Variants in CFAP46 observed in about 807,000 individuals in gnomAD.
CFAP46 encodes cilia- and flagella-associated protein 46.
In CFAP46, 245 loss-of-function variants were observed where a neutral mutation model predicts 325.7. The observed-to-expected ratio is 0.75, with a 90% CI of 0.68 to 0.84. The LOEUF (loss-of-function observed/expected upper bound fraction) is 0.84. Among genes scored for constraint, CFAP46 ranks in the 40% least tolerant of loss-of-function variants. The pLI is 0.00. For synonymous variants in CFAP46, 1,523 were observed against 1,495.9 expected (o/e 1.02, Z -0.42); for missense variants, 3,346 against 3,543.0 (o/e 0.94, Z 1.41).
At chr10:132,859,736 C>T (rs1027380383) in intron 37 of CFAP46, among the ~76,000 whole-genome samples, 5 of 152,212 alleles carry the variant, frequency 3.3e-5, no homozygotes, top group Non-Finnish European at 5.9e-5. Context: ...TGAAGCAGAA[C>T]ACAAGGAAAG....
intron 50 of CFAP46, among the ~76,000 whole-genome samples, chr10:132,823,448 ATG>A (rs1297672871): frequency 4.4e-5 from 3 of 67,796 alleles, no homozygotes; most frequent in Non-Finnish European, 8.1e-5. Context: ...GTGTGTGCTG[ATG>A]TGTGTTGTGT....
chr10:132,838,877 T>C (rs1055856817), intron 44 of CFAP46, among the ~76,000 whole-genome samples: 2 of 152,224 alleles, frequency 1.3e-5, no homozygotes, highest in African/African-American at 4.8e-5. Context: ...CCCCGTCTCA[T>C]CCCCACTGGC....
intron 47 of CFAP46, 76 bp from the exon 48 acceptor site, chr10:132,834,851 C>A (rs1591042691): frequency 3.3e-6 from 5 of 1,515,900 alleles, no homozygotes; most frequent in East Asian, 4.6e-5. Context: ...CAGGCCCCTG[C>A]AGAAAGGCCG....
rs571203998 is a variant in CFAP46 at position 132,845,845 on chromosome 10, C to A, written c.6438+212G>T. On this transcript the variant is annotated intron_variant, in intron 44 of 57. Coordinates refer to ENST00000368586, the MANE Select transcript of CFAP46 (RefSeq NM_001200049.3). Reference sequence around the variant, plus strand: ...CTCGCCAACCTCACCGCACCCACCACGTGGGCCGTTACTACCCCCACAAGG... The same window carrying A: ...CTCGCCAACCTCACCGCACCCACCAAGTGGGCCGTTACTACCCCCACAAGG... Among the ~76,000 whole-genome samples, 5 of 152,278 alleles carry A rather than the reference C, an allele frequency of 3.3e-5. No individual in the cohort carries two copies. In the South Asian group the frequency reaches 1.0e-3, roughly 32 times the overall value.
intron 19 of CFAP46, among the ~76,000 whole-genome samples, chr10:132,911,241 G>A (rs977340364): frequency 2.0e-5 from 3 of 152,188 alleles, no homozygotes; most frequent in African/African-American, 7.2e-5. Context: ...GTTCCTGGCC[G>A]GCCCACACTG....
At chr10:132,871,695 G>A (rs1181479108) in intron 32 of CFAP46, among the ~76,000 whole-genome samples, 3 of 152,250 alleles carry the variant, frequency 2.0e-5, no homozygotes, top group Non-Finnish European at 4.4e-5. Context: ...AATGGATGCG[G>A]AATTGCCTCT....
rs746090756 is a variant in CFAP46, at chr10:132,851,180, C to A, written c.5700G>T (p.Gly1900=). The change falls in exon 40 of 58, where the codon GGG becomes GGT. Residue 1900 remains glycine (G), a synonymous_variant. Transcript: ENST00000368586. The stretch of plus-strand genomic sequence containing the variant: ...AGTCCGCCAGCAGCTTCTCCAGGGA[C>A]CCCTGCTCACTCTGCTGCCCGTGGG... ...EEAHGQQSEQ[G]SLEKLLADYL... 1.9e-6 allele frequency: 3 copies of A among 1,614,100 alleles called. No individual in the cohort carries two copies. The South Asian group carries it at 3.3e-5, about 18-fold the overall frequency.
In CFAP46 at chr10:132,942,122, T is replaced by C. The variant is rs1591105271; in HGVS notation, c.50-18A>G. 2 of 1,551,102 alleles carry C rather than the reference T, an allele frequency of 1.3e-6. No individual in the cohort carries two copies. Among genetic ancestry groups the C allele is most frequent in the Non-Finnish European group, 1.7e-6 (2 of 1,146,774 alleles). ...CGCAGCATCTGTCCCAAACGGGTGG[T>C]TGAGGAAGGTTTGGTCACTGGGCTG... On this transcript the variant is annotated intron_variant, in intron 1 of 57. Transcript: ENST00000368586.
At chr10:132,824,680 G>A (rs1333180049) in intron 50 of CFAP46, among the ~76,000 whole-genome samples, 3 of 104,368 alleles carry the variant, frequency 2.9e-5, no homozygotes, top group Admixed American at 1.0e-4. Context: ...GCTGTGTGCT[G>A]ATGTGTGCTG....
chr10:132,812,696 C>G (rs1027777958), intron 55 of CFAP46, 89 bp downstream of exon 55: 8 of 901,716 alleles, frequency 8.9e-6, no homozygotes, highest in Middle Eastern at 2.3e-4. Flanking sequence ...GTGGGGGCAG[C>G]ACCAGCAGGT....
rs1354247176 is a variant in CFAP46 at position 132,885,767 on chromosome 10, G to A, written c.3443+54C>T. Reference sequence around the variant, plus strand: ...GTGGGGAGCACTCACAGGCGGTGGGGGGAGCACTCAGGCGGTGGAGGGAGC... The same window carrying A: ...GTGGGGAGCACTCACAGGCGGTGGGAGGAGCACTCAGGCGGTGGAGGGAGC... On this transcript the variant is annotated intron_variant, in intron 26 of 57. Coordinates refer to ENST00000368586, the MANE Select transcript of CFAP46 (RefSeq NM_001200049.3). The A allele has an allele frequency of 7.1e-6, 10 of 1,403,642 alleles. No homozygotes were observed. The South Asian group carries it at 9.2e-5, about 13-fold the overall frequency. 86.9% of individuals were successfully genotyped at this position (1,403,642 alleles called of 1,614,324 possible).
At chr10:132,864,545 G>GT (rs1848780589) in intron 35 of CFAP46, among the ~76,000 whole-genome samples, 2 of 96,836 alleles carry the variant, frequency 2.1e-5, no homozygotes, top group African/African-American at 8.0e-5. Context: ...GCACACACCT[G>GT]CCCTCAGTGC....
At chr10:132,870,564 T>A (rs1490563434) in intron 32 of CFAP46, among the ~76,000 whole-genome samples, 1 of 152,164 alleles carries the variant, frequency 6.6e-6, no homozygotes, top group Admixed American at 6.5e-5. Context: ...TCAGTGCCGG[T>A]ATGAAAAAGT....
chr10:132,824,053 GTGTGTGCTGA>G (rs1339263071), intron 50 of CFAP46, among the ~76,000 whole-genome samples: 503 of 131,178 alleles, frequency 3.8e-3, no homozygotes, highest in African/African-American at 0.013. Flanking sequence ...GATGTGTGCT[GTGTGTGCTGA>G]TGTGTGCTGA....
In CFAP46 at chr10:132,916,619, C is replaced by A. The variant is rs1424233313; in HGVS notation, c.2050G>T (p.Asp684Tyr). 1.9e-6 allele frequency: 3 copies of A among 1,543,190 alleles called. No individual in the cohort carries two copies. Among genetic ancestry groups the A allele is most frequent in the Admixed American group, 2.0e-5 (1 of 49,898 alleles). The change falls in exon 17 of 58, where the codon GAC becomes TAC. Residue 684 changes from aspartate to tyrosine, a missense_variant. Physicochemically the swap from Asp to Tyr is radical, Grantham distance 160. Coordinates refer to ENST00000368586, the MANE Select transcript of CFAP46 (RefSeq NM_001200049.3). ...ELNDRAIPPE[D>Y]LSQHPAGYVP... is the part of the protein sequence containing the mutation. ...TAGCCAGCTGGGTGCTGGCTCAGGTCTTCGGGGGGGATGGCCCGGTCATTC... is the reference window on the plus strand; with the variant it reads ...TAGCCAGCTGGGTGCTGGCTCAGGTATTCGGGGGGGATGGCCCGGTCATTC...
chr10:132,929,896 A>T (rs1849867110), intron 8 of CFAP46, 92 bp from the exon 9 acceptor site: 8 of 856,020 alleles, frequency 9.3e-6, no homozygotes, highest in Non-Finnish European at 1.5e-5. Context: ...TTCAAGCAGA[A>T]GCAGGAAATA....
chr10:132,908,703 C>T (rs1428671904), intron 21 of CFAP46, 69 bp from the exon 22 acceptor site: 11 of 1,456,180 alleles, frequency 7.6e-6, no homozygotes, highest in African/African-American at 1.4e-5. Context: ...CTGCAGCCCC[C>T]ACGGACCACG....
Position 132,847,394 on chromosome 10 carries a change from G to T in CFAP46, c.5953-73C>A. On this transcript the variant is annotated intron_variant, in intron 41 of 57. Coordinates refer to ENST00000368586, the MANE Select transcript of CFAP46 (RefSeq NM_001200049.3). The surrounding 1 kb of genome is among the most constrained non-coding windows in gnomAD (Gnocchi z 5.2). ...GTCGGCGTGGGGAGGGCCCACCCAG[G>T]GAGGCCGGGGTGGTCGGGCTCCTCA... 1 of 1,585,058 alleles carries T rather than the reference G, an allele frequency of 6.3e-7. No individual in the cohort carries two copies. Among genetic ancestry groups the T allele is most frequent in the Non-Finnish European group, 8.6e-7 (1 of 1,161,552 alleles).
chr10:132,942,555 T>G lies in CFAP46; in HGVS notation c.-71A>C, dbSNP rs1026879827. The G allele has an allele frequency of 1.7e-6, 2 of 1,208,066 alleles. No homozygotes were observed. The highest frequency in any genetic ancestry group is 3.1e-5 in the African/African-American group (2 of 63,554). 74.8% of individuals were successfully genotyped at this position (1,208,066 alleles called of 1,614,324 possible). ...GTCCTGCCGCCCACTGTCGGTTGGG[T>G]TCTCCAGCCGCGAGGACCCGGCCAC... On this transcript the variant is annotated 5_prime_UTR_variant, in exon 1 of 58. Transcript: ENST00000368586.
Sources: allele counts gnomAD v4.1 joint callset (sites outside exome capture counted in the v4.1 genomes callset), GRCh38; gene constraint gnomAD v4.1.1; non-coding constraint Gnocchi (gnomAD v3.1); transcripts MANE v1.5; gene names NCBI Gene and HGNC (gene_info 2026-07-23, HGNC 2026-07-21).